SYT1: variants seen among roughly 807,000 people sequenced by gnomAD.
SYT1 encodes the protein synaptotagmin 1.
SYT1 carries 8 observed loss-of-function variants against 44.8 expected under a neutral mutation model. The ratio of observed to expected loss-of-function variants is 0.18; its 90% CI spans 0.10 to 0.32. The LOEUF (loss-of-function observed/expected upper bound fraction) is 0.32, where lower values mean the gene tolerates loss of function less well. SYT1 is among the 10% of genes least tolerant of loss of function. The probability of loss-of-function intolerance (pLI) is 1.00; values close to 1 mark genes in which losing one functional copy is unlikely to be tolerated. For missense variants in SYT1, 286 were observed against 509.3 expected, an observed-to-expected ratio of 0.56 and a Z score of 4.22; for synonymous variants, 154 against 188.8, an observed-to-expected ratio of 0.82 and a Z score of 1.51.
chr12:79,330,682 AT>A (rs1275267698), intron 8 of SYT1, among the ~76,000 whole-genome samples: 2 of 152,236 alleles, frequency 1.3e-5, no homozygotes, highest in Non-Finnish European at 2.9e-5. Context: ...ATTGACTAAC[AT>A]TTATTGAGCA....
intron 1 of SYT1, among the ~76,000 whole-genome samples, chr12:78,945,378 T>A (rs1257910529): frequency 1.3e-5 from 2 of 151,750 alleles, no homozygotes; most frequent in Non-Finnish European, 2.9e-5. Context: ...CACATATATA[T>A]AATATTACAC....
chr12:78,866,453 G>T (rs192420316), intron 1 of SYT1, among the ~76,000 whole-genome samples: 1 of 152,246 alleles, frequency 6.6e-6, no homozygotes, highest in East Asian at 1.9e-4. Flanking sequence ...CTTGTTAAAA[G>T]AAAGAAAAAT....
intron 9 of SYT1, among the ~76,000 whole-genome samples, chr12:79,391,496 A>T (rs562699516): frequency 5.3e-4 from 81 of 152,336 alleles, no homozygotes; most frequent in Middle Eastern, 3.4e-3. Flanking sequence ...TAGGAATTTT[A>T]AAAAAACTAA....
chr12:79,423,965 C>T (rs969562625), intron 9 of SYT1, among the ~76,000 whole-genome samples: 3 of 150,914 alleles, frequency 2.0e-5, no homozygotes, highest in Non-Finnish European at 4.4e-5. Context: ...AAATAACCAA[C>T]AAGTATTTGG....
intron 3 of SYT1, among the ~76,000 whole-genome samples, chr12:79,138,128 T>C (rs765008377): frequency 6.6e-6 from 1 of 152,204 alleles, no homozygotes; most frequent in African/African-American, 2.4e-5. Context: ...TCTCAAGTAC[T>C]GATTGATAGA....
chr12:78,896,038 G>A (rs1875339797), intron 1 of SYT1, among the ~76,000 whole-genome samples: 1 of 151,706 alleles, frequency 6.6e-6, no homozygotes, highest in African/African-American at 2.4e-5. Flanking sequence ...GGTGCATAGA[G>A]CACTTGGATC....
intron 1 of SYT1, among the ~76,000 whole-genome samples, chr12:78,975,266 C>CACTT (rs1228333572): frequency 6.6e-6 from 1 of 152,040 alleles, no homozygotes; most frequent in African/African-American, 2.4e-5. Flanking sequence ...ATTATGTAAA[C>CACTT]ACTTATGTTA....
At chr12:78,946,459 A>G (rs544411059) in intron 1 of SYT1, among the ~76,000 whole-genome samples, 2 of 152,190 alleles carry the variant, frequency 1.3e-5, no homozygotes, top group Admixed American at 1.3e-4. Context: ...GTTCAAGACC[A>G]GCCTGGCCAA....
At chr12:79,259,698 A>G (rs1355849587) in intron 4 of SYT1, among the ~76,000 whole-genome samples, 2 of 152,112 alleles carry the variant, frequency 1.3e-5, no homozygotes. Flanking sequence ...TGTGTCACTG[A>G]CCTCCAGCCT....
At chr12:79,371,128 A>G (rs1248405085) in intron 9 of SYT1, among the ~76,000 whole-genome samples, 1 of 152,226 alleles carries the variant, frequency 6.6e-6, no homozygotes, top group East Asian at 1.9e-4. Flanking sequence ...CTCATGAGGT[A>G]GGTATGGTTA....
At chr12:79,401,713 A>G (rs999685160) in intron 9 of SYT1, among the ~76,000 whole-genome samples, 1 of 149,172 alleles carries the variant, frequency 6.7e-6, no homozygotes, top group African/African-American at 2.5e-5. Flanking sequence ...CCTGCTACCC[A>G]GGCTGGAGTG....
At chr12:79,107,829 AC>A (rs377589333) in intron 3 of SYT1, among the ~76,000 whole-genome samples, 9 of 152,032 alleles carry the variant, frequency 5.9e-5, no homozygotes, top group African/African-American at 2.2e-4. Context: ...GCTAAAACAT[AC>A]CCAGAAACAA....
chr12:79,188,389 A>G (rs1853097876), intron 3 of SYT1, among the ~76,000 whole-genome samples: 1 of 152,128 alleles, frequency 6.6e-6, no homozygotes, highest in African/African-American at 2.4e-5. Context: ...TTTAAAAGCA[A>G]TTTCTTCCTT....
chr12:79,362,969 C>A (rs1280808658), intron 9 of SYT1, among the ~76,000 whole-genome samples: 2 of 152,096 alleles, frequency 1.3e-5, no homozygotes, highest in African/African-American at 4.8e-5. Context: ...TACAAGGAGA[C>A]ATCTCTAAAC....
intron 10 of SYT1, among the ~76,000 whole-genome samples, chr12:79,446,034 T>TACATATATATATATATGTATATATA (rs1491131045): frequency 4.3e-5 from 5 of 115,534 alleles, no homozygotes; most frequent in Admixed American, 9.1e-5. Context: ...TATATATATA[T>TACATATATATATATATGTATATATA]TATGCCTAGG....
chr12:79,372,748 T>C (rs529658144), intron 9 of SYT1, among the ~76,000 whole-genome samples: 7 of 152,204 alleles, frequency 4.6e-5, no homozygotes, highest in Non-Finnish European at 8.8e-5. Flanking sequence ...TCTTGGTCCA[T>C]GGTTTGCTGT....
chr12:79,063,941 T>C (rs1875571976), intron 3 of SYT1, among the ~76,000 whole-genome samples: 1 of 152,168 alleles, frequency 6.6e-6, no homozygotes, highest in Non-Finnish European at 1.5e-5. Context: ...TTTCTCCCTC[T>C]CTTCTGTATT....
chr12:79,341,477 T>C (rs929177745), intron 8 of SYT1: 2 of 151,938 alleles, frequency 1.3e-5, no homozygotes, highest in African/African-American at 4.8e-5. Context: ...CTAGGAGTGG[T>C]GCACATCACT....
intron 3 of SYT1, among the ~76,000 whole-genome samples, chr12:79,126,151 A>T (rs1008074033): frequency 6.6e-5 from 10 of 152,278 alleles, no homozygotes; most frequent in Admixed American, 5.9e-4. Context: ...GGTATCAGAA[A>T]CTGATAAAAA....
Sources: gnomAD v4.1 joint callset for allele counts (sites outside exome capture counted in the v4.1 genomes callset) on GRCh38, gnomAD v4.1.1 for gene constraint, MANE v1.5 for transcripts, NCBI Gene and HGNC (gene_info 2026-07-23, HGNC 2026-07-21) for gene names.